Variants in GRM5 observed in about 807,000 individuals in gnomAD.
GRM5 encodes metabotropic glutamate receptor 5.
Under a neutral mutation model 83.1 loss-of-function variants are expected in GRM5, and 19 were observed. The observed-to-expected ratio is 0.23, with a 90% CI of 0.16 to 0.34. The LOEUF (loss-of-function observed/expected upper bound fraction) is 0.34. GRM5 is among the 10% of genes least tolerant of loss of function. GRM5 has a pLI of 1.00. For synonymous variants in GRM5, 675 were observed against 633.6 expected (o/e 1.07, Z -0.98); for missense variants, 1,160 against 1,588.3 (o/e 0.73, Z 4.58).
chr11:88,795,597 T>C (rs895139570), intron 3 of GRM5, among the ~76,000 whole-genome samples: 2 of 152,204 alleles, frequency 1.3e-5, no homozygotes, highest in African/African-American at 4.8e-5. Flanking sequence ...ACAGATTTTT[T>C]AATGCAAGCT....
intron 4 of GRM5, among the ~76,000 whole-genome samples, chr11:88,648,039 C>T (rs1448735799): frequency 6.6e-6 from 1 of 151,780 alleles, no homozygotes; most frequent in African/African-American, 2.4e-5. Context: ...AACAGGAACA[C>T]TTTTACACTG....
chr11:88,786,962 CAGTA>C (rs1943082319), intron 3 of GRM5, among the ~76,000 whole-genome samples: 1 of 151,964 alleles, frequency 6.6e-6, no homozygotes, highest in Non-Finnish European at 1.5e-5. Flanking sequence ...TCAGAATACA[CAGTA>C]AGTTTTTATA....
At chr11:88,751,432 A>T (rs1236749255) in intron 3 of GRM5, among the ~76,000 whole-genome samples, 1 of 152,192 alleles carries the variant, frequency 6.6e-6, no homozygotes, top group African/African-American at 2.4e-5. Flanking sequence ...GAATAGACTA[A>T]TAATGAGTTC....
chr11:88,945,667 A>T (rs114741947), intron 2 of GRM5, among the ~76,000 whole-genome samples: 3,231 of 152,144 alleles, frequency 0.021, 106 homozygotes, highest in African/African-American at 0.072. Flanking sequence ...ATGTTGCTGG[A>T]TCAGCTGGCT....
intron 4 of GRM5, among the ~76,000 whole-genome samples, chr11:88,641,863 A>G (rs1027381848): frequency 4.6e-5 from 7 of 152,146 alleles, no homozygotes; most frequent in Non-Finnish European, 8.8e-5. Flanking sequence ...AGTGCCTGTG[A>G]CTTTTCCAAA....
At chr11:88,863,778 C>A (rs1188459779) in intron 2 of GRM5, among the ~76,000 whole-genome samples, 1 of 151,822 alleles carries the variant, frequency 6.6e-6, no homozygotes, top group Non-Finnish European at 1.5e-5. Context: ...CTGTGTTTAA[C>A]AAGAGACACT....
chr11:88,669,610 A>G (rs1940141924), intron 3 of GRM5, among the ~76,000 whole-genome samples: 1 of 152,064 alleles, frequency 6.6e-6, no homozygotes, highest in African/African-American at 2.4e-5. Context: ...GAATTTAGAA[A>G]ATTGGTGCAT....
intron 4 of GRM5, among the ~76,000 whole-genome samples, chr11:88,619,324 A>G (rs1203748196): frequency 6.6e-6 from 1 of 152,194 alleles, no homozygotes; most frequent in South Asian, 2.1e-4. Context: ...TGGCCTTTAG[A>G]TATGTTTTAT....
At chr11:88,774,316 C>G (rs1421631076) in intron 3 of GRM5, among the ~76,000 whole-genome samples, 1 of 152,178 alleles carries the variant, frequency 6.6e-6, no homozygotes, top group African/African-American at 2.4e-5. Context: ...TGAGACTTTG[C>G]TGAAGTTGCT....
intron 3 of GRM5, among the ~76,000 whole-genome samples, chr11:88,690,866 C>T (rs531830826): frequency 3.9e-5 from 6 of 152,288 alleles, no homozygotes; most frequent in Admixed American, 1.3e-4. Context: ...CATTCAATTT[C>T]GACTTCACCT....
chr11:88,643,114 G>A (rs1038458256), intron 4 of GRM5, among the ~76,000 whole-genome samples: 1 of 151,932 alleles, frequency 6.6e-6, no homozygotes, highest in Non-Finnish European at 1.5e-5. Flanking sequence ...TAATTGGCTC[G>A]TGGTTCTGCA....
At chr11:88,921,440 G>A (rs1245483652) in intron 2 of GRM5, among the ~76,000 whole-genome samples, 28 of 152,012 alleles carry the variant, frequency 1.8e-4, no homozygotes, top group African/African-American at 5.8e-4. Flanking sequence ...TGGCTAACAC[G>A]GTGAAACCCC....
chr11:88,699,641 A>T (rs1940982668), intron 3 of GRM5, among the ~76,000 whole-genome samples: 2 of 152,212 alleles, frequency 1.3e-5, no homozygotes, highest in Non-Finnish European at 2.9e-5. Context: ...TCTTACTTCA[A>T]ATAGAGACAA....
At chr11:88,526,118 A>G (rs545050917) in intron 8 of GRM5, among the ~76,000 whole-genome samples, 1 of 152,300 alleles carries the variant, frequency 6.6e-6, no homozygotes, top group East Asian at 1.9e-4. Flanking sequence ...AGTTTCTGTA[A>G]ACATTAAGCT....
intron 3 of GRM5, among the ~76,000 whole-genome samples, chr11:88,815,284 A>G (rs1943656347): frequency 6.6e-6 from 1 of 152,224 alleles, no homozygotes; most frequent in Non-Finnish European, 1.5e-5. Flanking sequence ...TATCTGAAAA[A>G]TCTTCAATAT....
At position 88,668,433 on chromosome 11, in the gene GRM5, CAA is replaced by C. The variant is rs201042849; in HGVS notation, c.912-15032_912-15031del. ...TCAACAATTTTTTTTCAAAAAAAAG[CAA>C]AGAGGAAAACTTCATTTTATAAGTC... On this transcript the variant is annotated intron_variant, in intron 3 of 9. Transcript: ENST00000305447. Among the ~76,000 whole-genome samples, 756 of 149,648 alleles carry C rather than the reference CAA, an allele frequency of 5.1e-3. 5 individuals are homozygous for C. The highest frequency in any genetic ancestry group is 0.018 in the African/African-American group (729 of 40,632).
At chr11:88,582,272 G>A (rs904609663) in intron 7 of GRM5, among the ~76,000 whole-genome samples, 1 of 152,196 alleles carries the variant, frequency 6.6e-6, no homozygotes, top group Non-Finnish European at 1.5e-5. Context: ...ACTCAAATAT[G>A]TGCTAATGAA....
chr11:88,750,729 T>A (rs1421718669), intron 3 of GRM5, among the ~76,000 whole-genome samples: 1 of 152,038 alleles, frequency 6.6e-6, no homozygotes, highest in Non-Finnish European at 1.5e-5. Flanking sequence ...ACAAACAGTC[T>A]CTCAGATCAC....
intron 2 of GRM5, among the ~76,000 whole-genome samples, chr11:88,904,852 G>T (rs540750808): frequency 6.6e-6 from 1 of 152,122 alleles, no homozygotes; most frequent in Non-Finnish European, 1.5e-5. Flanking sequence ...TCACCGCAGA[G>T]GTATTTATTG....
Sources: gnomAD v4.1 joint callset for allele counts (sites outside exome capture counted in the v4.1 genomes callset) on GRCh38, gnomAD v4.1.1 for gene constraint, MANE v1.5 for transcripts, NCBI Gene and HGNC (gene_info 2026-07-23, HGNC 2026-07-21) for gene names.